Variants in PIGBOS1 observed in about 807,000 individuals in gnomAD.
PIGBOS1 encodes protein PIGBOS1.
chr15:55,318,098 C>CTTTTT (rs200901102), intron 1 of PIGBOS1, among the ~76,000 whole-genome samples: 1 of 131,422 alleles, frequency 7.6e-6, no homozygotes, highest in Admixed American at 7.5e-5. Context: ...CATACTTTTT[C>CTTTTT]TTTTTTTTTT....
Position 55,318,944 on chromosome 15 carries a change from G to C in PIGBOS1, c.-156C>G, listed in dbSNP as rs1474568826. 1.8e-5 allele frequency: 6 copies of C among 331,590 alleles called. No individual in the cohort carries two copies. Among genetic ancestry groups the C allele is most frequent in the Non-Finnish European group, 3.4e-5 (6 of 178,798 alleles). The allele number at this position is 331,590 out of a possible 1,614,324, so 20.5% of individuals were successfully genotyped here. A position where few individuals can be genotyped will look rare whatever the true frequency, so the allele number is the denominator to read the frequency against. The stretch of plus-strand genomic sequence containing the variant: ...CCACTCAGGTACCTCCGACTGTTCT[G>C]CGCCTGCTCCACGTCACTAAACTCG... On this transcript the variant is annotated 5_prime_UTR_variant, in exon 1 of 2. Transcript: ENST00000436697.
rs1332632483 is a variant in PIGBOS1, at chr15:55,317,186, AG to A, written c.*441del. ...AATAAACATTAAAATTAACAGTGTTAGGTTAAAAAATCATTATCCATGATTT... is the reference window on the plus strand; with the variant it reads ...AATAAACATTAAAATTAACAGTGTTAGTTAAAAAATCATTATCCATGATTT... On this transcript the variant is annotated 3_prime_UTR_variant, in exon 2 of 2. Transcript: ENST00000436697. The A allele has an allele frequency of 1.3e-5, 2 of 151,654 alleles. No individual in the cohort carries two copies. The highest frequency in any genetic ancestry group is 4.8e-5 in the African/African-American group (2 of 41,454). The allele number at this position is 151,654 out of a possible 1,614,324, so 9.4% of individuals were successfully genotyped here. A position where few individuals can be genotyped will look rare whatever the true frequency, so the allele number is the denominator to read the frequency against.
In PIGBOS1 at chr15:55,317,472, G is replaced by T; in HGVS notation, c.*156C>A. On this transcript the variant is annotated 3_prime_UTR_variant, in exon 2 of 2. Transcript: ENST00000436697. ...TGGGATTACAGGCGCATGCCACCAA[G>T]CCTGGCTGATTTTTGTATTTTCAGT... is the stretch of plus-strand genomic sequence containing the variant. 3.4e-6 allele frequency: 1 copy of T among 294,348 alleles called. No homozygotes were observed. Among genetic ancestry groups the T allele is most frequent in the Non-Finnish European group, 6.3e-6 (1 of 159,838 alleles). 18.2% of individuals were successfully genotyped at this position (294,348 alleles called of 1,614,324 possible).
At chr15:55,318,098 CTT>C (rs200901102) in intron 1 of PIGBOS1, among the ~76,000 whole-genome samples, 48,159 of 130,812 alleles carry the variant, frequency 0.37, 8,834 homozygotes, top group East Asian at 0.67. Context: ...CATACTTTTT[CTT>C]TTTTTTTTTT....
rs2055052551 is a variant in PIGBOS1, at chr15:55,317,241, G to T, written c.*387C>A. On this transcript the variant is annotated 3_prime_UTR_variant, in exon 2 of 2. Coordinates refer to ENST00000436697, the MANE Select transcript of PIGBOS1 (RefSeq NM_001308421.2). ...TTTAAGTACATCTATGTTTTTGCTA[G>T]ATTAGAGTTAACATAATTAAATGGA... is the stretch of plus-strand genomic sequence containing the variant. The T allele has an allele frequency of 6.6e-6, 1 of 152,490 alleles. No individual in the cohort carries two copies. Among genetic ancestry groups the T allele is most frequent in the Non-Finnish European group, 1.5e-5 (1 of 68,268 alleles). 9.4% of individuals were successfully genotyped at this position (152,490 alleles called of 1,614,324 possible). A position where few individuals can be genotyped will look rare whatever the true frequency, so the allele number is the denominator to read the frequency against.
rs2055060054 is a variant in PIGBOS1 at position 55,317,638 on chromosome 15, T to C, written c.155A>G (p.Lys52Arg). 1 of 398,272 alleles carries C rather than the reference T, an allele frequency of 2.5e-6. No homozygotes were observed. Among genetic ancestry groups the C allele is most frequent in the Non-Finnish European group, 4.4e-6 (1 of 225,890 alleles). The allele number at this position is 398,272 out of a possible 1,614,324, so 24.7% of individuals were successfully genotyped here. The part of the protein sequence containing the change: ...KMQLVQESEE[K>R]KS ...TAACTCCATGTAGTATTAACTTTTC[T>C]TCTCTTCTGATTCTTGTACCAACTG... Residue 52 changes from lysine (K) to arginine (R), a missense_variant, in exon 2 of 2, where the codon AAG becomes AGG. Transcript: ENST00000436697.
chr15:55,319,001 C>T lies in PIGBOS1; in HGVS notation c.-213G>A, dbSNP rs550882246. On this transcript the variant is annotated 5_prime_UTR_variant, in exon 1 of 2. Transcript: ENST00000436697. Reference sequence around the variant, plus strand: ...CCTGCTCCCCTCCAGAGACCGGGGGCCTTCCAGCAGTTTTCGGACCCCCGA... The same window carrying T: ...CCTGCTCCCCTCCAGAGACCGGGGGTCTTCCAGCAGTTTTCGGACCCCCGA... 6.2e-5 allele frequency: 29 copies of T among 468,368 alleles called. No individual in the cohort carries two copies. In the South Asian group the frequency reaches 8.9e-4, roughly 14 times the overall value. The allele number at this position is 468,368 out of a possible 1,614,324, so 29.0% of individuals were successfully genotyped here. A position where few individuals can be genotyped will look rare whatever the true frequency, so the allele number is the denominator to read the frequency against.
Position 55,317,529 on chromosome 15 carries a change from G to A in PIGBOS1, c.*99C>T, listed in dbSNP as rs1257614224. ...AGGGTTTCACCATGTTGGTCAGGCT[G>A]GTCTTGAACTCCTGACCACCTGATC... On this transcript the variant is annotated 3_prime_UTR_variant, in exon 2 of 2. Transcript: ENST00000436697. 16 of 355,684 alleles carry A rather than the reference G, an allele frequency of 4.5e-5. 1 individual carries two copies. The highest frequency in any genetic ancestry group is 5.5e-5 in the Non-Finnish European group (11 of 198,632). 22.0% of individuals were successfully genotyped at this position (355,684 alleles called of 1,614,324 possible).
At position 55,317,388 on chromosome 15, in the gene PIGBOS1, C is replaced by G; in HGVS notation, c.*240G>C. On this transcript the variant is annotated 3_prime_UTR_variant, in exon 2 of 2. Coordinates refer to ENST00000436697, the MANE Select transcript of PIGBOS1 (RefSeq NM_001308421.2). ...GGAGTGCAGCAGCGTGATCTTGACTCACTGCCACCTCTGCCTCCCAGGTTC... is the reference window on the plus strand; with the variant it reads ...GGAGTGCAGCAGCGTGATCTTGACTGACTGCCACCTCTGCCTCCCAGGTTC... 4.7e-6 allele frequency: 1 copy of G among 214,474 alleles called. No individual in the cohort carries two copies. The highest frequency in any genetic ancestry group is 9.2e-6 in the Non-Finnish European group (1 of 108,946). The allele number at this position is 214,474 out of a possible 1,614,324, so 13.3% of individuals were successfully genotyped here. A position where few individuals can be genotyped will look rare whatever the true frequency, so the allele number is the denominator to read the frequency against.
At chr15:55,318,515 C>A (rs1183581319) in intron 1 of PIGBOS1, among the ~76,000 whole-genome samples, 1 of 150,544 alleles carries the variant, frequency 6.6e-6, no homozygotes, top group South Asian at 2.1e-4. Flanking sequence ...CCAGCCAGGC[C>A]AATATGGTGA....
At chr15:55,318,029 G>A (rs1186620250) in intron 1 of PIGBOS1, among the ~76,000 whole-genome samples, 162 bp from the exon 2 acceptor site, 2 of 151,966 alleles carry the variant, frequency 1.3e-5, no homozygotes, top group East Asian at 3.9e-4. Flanking sequence ...AATTAGGGAA[G>A]GGTATAAGAC....
chr15:55,318,322 C>G (rs1179988835), intron 1 of PIGBOS1, among the ~76,000 whole-genome samples: 1 of 151,416 alleles, frequency 6.6e-6, no homozygotes, highest in South Asian at 2.1e-4. Context: ...TGGTCTCGAT[C>G]CTCTGACCTC....
In PIGBOS1 at chr15:55,317,539, T is replaced by C; in HGVS notation, c.*89A>G. ...CATGTTGGTCAGGCTGGTCTTGAAC[T>C]CCTGACCACCTGATCCACCCGCCTC... On this transcript the variant is annotated 3_prime_UTR_variant, in exon 2 of 2. Transcript: ENST00000436697. 1 of 361,888 alleles carries C rather than the reference T, an allele frequency of 2.8e-6. No homozygotes were observed. 22.4% of individuals were successfully genotyped at this position (361,888 alleles called of 1,614,324 possible).
Position 55,319,024 on chromosome 15 carries a change from C to T in PIGBOS1, c.-236G>A. On this transcript the variant is annotated 5_prime_UTR_variant, in exon 1 of 2. Coordinates refer to ENST00000436697, the MANE Select transcript of PIGBOS1 (RefSeq NM_001308421.2). The stretch of plus-strand genomic sequence containing the variant: ...GGCCTTCCAGCAGTTTTCGGACCCC[C>T]GAGCACAGAGACCGCCAAGCCAAAG... The T allele has an allele frequency of 2.4e-5, 13 of 534,162 alleles. No homozygotes were observed. The highest frequency in any genetic ancestry group is 1.3e-4 in the South Asian group (5 of 38,932). The allele number at this position is 534,162 out of a possible 1,614,324, so 33.1% of individuals were successfully genotyped here.
chr15:55,318,098 C>CT lies in PIGBOS1; in HGVS notation c.-75-232dup, dbSNP rs200901102. 5.4e-3 allele frequency among the ~76,000 whole-genome samples: 705 copies of CT among 131,390 alleles called. 2 individuals carry two copies. The highest frequency in any genetic ancestry group is 8.5e-3 in the Non-Finnish European group (535 of 62,998). The allele number at this position is 131,390 out of a possible 152,430, so 86.2% of individuals were successfully genotyped here. ...CAATGGTTTTAAATGCATACTTTTT[C>CT]TTTTTTTTTTTTTTTTTGAGACGGA... On this transcript the variant is annotated intron_variant, in intron 1 of 1. Coordinates refer to ENST00000436697, the MANE Select transcript of PIGBOS1 (RefSeq NM_001308421.2).
rs1209187782 is a variant in PIGBOS1, at chr15:55,318,470, C to T, written c.-76+394G>A. Among the ~76,000 whole-genome samples, 3 of 149,300 alleles carry T rather than the reference C, an allele frequency of 2.0e-5. No individual in the cohort carries two copies. The East Asian group carries it at 6.3e-4, about 31-fold the overall frequency. On this transcript the variant is annotated intron_variant, in intron 1 of 1. Transcript: ENST00000436697. ...CTGTAATCCCAACACTTTGGGAGGC[C>T]GAGGCGGGCGGATCACGAGGTCAGG... is the stretch of plus-strand genomic sequence containing the variant.
At position 55,317,246 on chromosome 15, in the gene PIGBOS1, G is replaced by C. The variant is rs2055052584; in HGVS notation, c.*382C>G. ...GTACATCTATGTTTTTGCTAGATTAGAGTTAACATAATTAAATGGAACTTT... is the reference window on the plus strand; with the variant it reads ...GTACATCTATGTTTTTGCTAGATTACAGTTAACATAATTAAATGGAACTTT... On this transcript the variant is annotated 3_prime_UTR_variant, in exon 2 of 2. Coordinates refer to ENST00000436697, the MANE Select transcript of PIGBOS1 (RefSeq NM_001308421.2). 1 of 152,598 alleles carries C rather than the reference G, an allele frequency of 6.6e-6. No individual in the cohort carries two copies. The highest frequency in any genetic ancestry group is 2.4e-5 in the African/African-American group (1 of 41,446). 9.5% of individuals were successfully genotyped at this position (152,598 alleles called of 1,614,324 possible). A position where few individuals can be genotyped will look rare whatever the true frequency, so the allele number is the denominator to read the frequency against.
Sources: allele counts gnomAD v4.1 joint callset (sites outside exome capture counted in the v4.1 genomes callset), GRCh38; gene constraint gnomAD v4.1.1; transcripts MANE v1.5; gene names NCBI Gene and HGNC (gene_info 2026-07-23, HGNC 2026-07-21).